Variants in ROBO2 observed in about 807,000 individuals in gnomAD.
The protein encoded by ROBO2 is roundabout homolog 2.
Under a neutral mutation model 160.8 loss-of-function variants are expected in ROBO2, and 53 were observed. The ratio of observed to expected loss-of-function variants is 0.33; its 90% CI spans 0.26 to 0.41. ROBO2 has a LOEUF of 0.41. Ranked by LOEUF, ROBO2 falls within the 10% of genes least tolerant of loss-of-function variation. ROBO2 has a pLI of 1.00. For missense variants in ROBO2, 1,577 were observed against 1,722.4 expected, an observed-to-expected ratio of 0.92 and a Z score of 1.49; for synonymous variants, 664 against 611.7, an observed-to-expected ratio of 1.09 and a Z score of -1.26.
chr3:76,142,525 T>C (rs1388931568), intron 2 of ROBO2, among the ~76,000 whole-genome samples: 1 of 152,004 alleles, frequency 6.6e-6, no homozygotes, highest in Non-Finnish European at 1.5e-5. Context: ...TGGATGGTAC[T>C]GGAGATCATT....
intron 2 of ROBO2, among the ~76,000 whole-genome samples, chr3:76,770,730 AT>A (rs961443500): frequency 1.3e-5 from 2 of 151,356 alleles, no homozygotes; most frequent in African/African-American, 4.8e-5. Context: ...TTAAAAATAT[AT>A]TTTTCAAAGG....
At chr3:77,170,442 T>A (rs1420613120) in intron 2 of ROBO2, among the ~76,000 whole-genome samples, 1 of 152,182 alleles carries the variant, frequency 6.6e-6, no homozygotes, top group Non-Finnish European at 1.5e-5. Context: ...ATGATAAGAA[T>A]TCTTAAGAAT....
At chr3:76,159,613 A>G (rs2072542951) in intron 2 of ROBO2, among the ~76,000 whole-genome samples, 1 of 152,150 alleles carries the variant, frequency 6.6e-6, no homozygotes, top group South Asian at 2.1e-4. Flanking sequence ...CACAATAAAC[A>G]TATGAACAGT....
At chr3:76,222,654 G>C (rs142428550) in intron 2 of ROBO2, among the ~76,000 whole-genome samples, 4,120 of 152,190 alleles carry the variant, frequency 0.027, 143 homozygotes, top group African/African-American at 0.079. Flanking sequence ...GTGTGTGGGT[G>C]GGGGAGAGCC....
At chr3:76,947,096 A>G (rs1279627085) in intron 2 of ROBO2, among the ~76,000 whole-genome samples, 1 of 152,228 alleles carries the variant, frequency 6.6e-6, no homozygotes, top group Non-Finnish European at 1.5e-5. Flanking sequence ...AAATCACAAT[A>G]TGCTAAACAT....
At chr3:76,696,702 G>C (rs891649391) in intron 2 of ROBO2, among the ~76,000 whole-genome samples, 1 of 152,088 alleles carries the variant, frequency 6.6e-6, no homozygotes, top group East Asian at 1.9e-4. Flanking sequence ...GCTATGATAC[G>C]GGTCTTCCAA....
intron 2 of ROBO2, among the ~76,000 whole-genome samples, chr3:76,987,259 G>C (rs1399507493): frequency 6.6e-6 from 1 of 152,154 alleles, no homozygotes; most frequent in Non-Finnish European, 1.5e-5. Flanking sequence ...TTAATACACT[G>C]CCCTCTAGAG....
chr3:77,550,284 C>A (rs1253320017), intron 7 of ROBO2, among the ~76,000 whole-genome samples: 2 of 152,020 alleles, frequency 1.3e-5, no homozygotes, highest in Non-Finnish European at 2.9e-5. Context: ...AACTTTACAG[C>A]AGAAGTACAG....
chr3:76,742,386 G>A (rs1284930573), intron 2 of ROBO2, among the ~76,000 whole-genome samples: 1 of 152,038 alleles, frequency 6.6e-6, no homozygotes, highest in African/African-American at 2.4e-5. Flanking sequence ...CTGGATAAAA[G>A]GGTCATTTTT....
chr3:76,788,139 T>C (rs1358145216), intron 2 of ROBO2, among the ~76,000 whole-genome samples: 1 of 151,350 alleles, frequency 6.6e-6, no homozygotes, highest in Non-Finnish European at 1.5e-5. Flanking sequence ...AAGAGAAGTA[T>C]TGGGCAGAAA....
At chr3:76,695,861 C>T (rs903180357) in intron 2 of ROBO2, among the ~76,000 whole-genome samples, 3 of 152,168 alleles carry the variant, frequency 2.0e-5, no homozygotes, top group Non-Finnish European at 1.5e-5. Flanking sequence ...CACTATAATA[C>T]ACTGCCTCTG....
At chr3:77,286,535 C>T (rs925587120) in intron 2 of ROBO2, among the ~76,000 whole-genome samples, 23 of 151,998 alleles carry the variant, frequency 1.5e-4, no homozygotes, top group Admixed American at 5.9e-4. Context: ...GGATTACAGG[C>T]GTGAGTCACT....
intron 2 of ROBO2, among the ~76,000 whole-genome samples, chr3:76,267,511 T>C (rs1707170688): frequency 6.6e-6 from 1 of 152,176 alleles, no homozygotes; most frequent in African/African-American, 2.4e-5. Flanking sequence ...AAATAGACAC[T>C]AAGCCTTTTG....
intron 2 of ROBO2, among the ~76,000 whole-genome samples, chr3:76,725,775 A>C (rs969640782): frequency 6.6e-6 from 1 of 152,136 alleles, no homozygotes; most frequent in Non-Finnish European, 1.5e-5. Flanking sequence ...CACTGAGGGC[A>C]CTACTCTGAA....
chr3:76,657,734 GTATATATATTCATATATATGTA>G (rs2091626458), intron 2 of ROBO2, among the ~76,000 whole-genome samples: 3 of 136,892 alleles, frequency 2.2e-5, no homozygotes, highest in African/African-American at 8.9e-5. Flanking sequence ...ATATATGAGT[GTATATATATTCATATATATGTA>G]TATATATATG....
chr3:77,301,958 A>G (rs866002737), intron 2 of ROBO2, among the ~76,000 whole-genome samples: 2 of 151,442 alleles, frequency 1.3e-5, no homozygotes, highest in South Asian at 4.2e-4. Flanking sequence ...AGTGGAGTGC[A>G]GTGGCACAGT....
At chr3:76,829,274 T>C (rs546997977) in intron 2 of ROBO2, among the ~76,000 whole-genome samples, 1 of 152,312 alleles carries the variant, frequency 6.6e-6, no homozygotes, top group African/African-American at 2.4e-5. Context: ...CAAAATGCTG[T>C]TAATTGCTAA....
intron 2 of ROBO2, among the ~76,000 whole-genome samples, chr3:76,656,119 T>C (rs62261620): frequency 0.35 from 53,887 of 151,910 alleles, 9,984 homozygotes; most frequent in South Asian, 0.49. Context: ...TCTAGAAAAA[T>C]GTATATAATA....
intron 2 of ROBO2, among the ~76,000 whole-genome samples, chr3:76,660,902 G>A (rs544961767): frequency 1.3e-5 from 2 of 151,972 alleles, no homozygotes; most frequent in African/African-American, 4.8e-5. Context: ...TTTCTCTAAT[G>A]TATGTAGCCT....
Sources: gnomAD v4.1 joint callset for allele counts (sites outside exome capture counted in the v4.1 genomes callset) on GRCh38, gnomAD v4.1.1 for gene constraint, MANE v1.5 for transcripts, NCBI Gene and HGNC (gene_info 2026-07-23, HGNC 2026-07-21) for gene names.